The following DENND1A variants were observed in gnomAD, a reference collection of about 807,000 sequenced individuals.
DENND1A encodes DENN domain containing 1A.
Under a neutral mutation model 113.7 loss-of-function variants are expected in DENND1A, and 51 were observed. The observed-to-expected ratio is 0.45, with a 90% CI of 0.36 to 0.57. DENND1A has a LOEUF of 0.57. Among genes scored for constraint, DENND1A ranks in the 20% least tolerant of loss-of-function variants. The probability of loss-of-function intolerance (pLI) is 0.00; values close to 1 mark genes in which losing one functional copy is unlikely to be tolerated. For missense variants in DENND1A, 1,258 were observed against 1,395.9 expected (o/e 0.90, Z 1.57); for synonymous variants, 565 against 570.8 (o/e 0.99, Z 0.14).
At chr9:123,665,728 C>G (rs927869540) in intron 8 of DENND1A, among the ~76,000 whole-genome samples, 3 of 152,152 alleles carry the variant, frequency 2.0e-5, no homozygotes, top group African/African-American at 7.2e-5. Context: ...GAGACTCAAA[C>G]AGGCATTTGT....
intron 2 of DENND1A, among the ~76,000 whole-genome samples, chr9:123,859,628 G>A (rs570108278): frequency 7.2e-4 from 110 of 151,960 alleles, no homozygotes; most frequent in Admixed American, 8.5e-4. Context: ...ATTCTGCATC[G>A]TTGCTGTGAA....
chr9:123,540,132 A>T (rs1231026842), intron 13 of DENND1A, among the ~76,000 whole-genome samples: 1 of 152,208 alleles, frequency 6.6e-6, no homozygotes, highest in Non-Finnish European at 1.5e-5. Context: ...TCCTCATAGG[A>T]CAAAATGTAA....
chr9:123,528,158 C>T (rs140172833), intron 13 of DENND1A, among the ~76,000 whole-genome samples: 117 of 152,312 alleles, frequency 7.7e-4, no homozygotes, highest in African/African-American at 2.5e-3. Context: ...AAGCTAAAGG[C>T]AGGAGTCATG....
intron 10 of DENND1A, among the ~76,000 whole-genome samples, chr9:123,626,713 AG>A (rs1349866816): frequency 3.9e-5 from 6 of 152,152 alleles, no homozygotes; most frequent in African/African-American, 1.4e-4. Flanking sequence ...AAACCAAGAG[AG>A]TTGGCTCAGA....
intron 2 of DENND1A, among the ~76,000 whole-genome samples, chr9:123,850,679 C>T (rs1405889292): frequency 6.6e-6 from 1 of 152,146 alleles, no homozygotes; most frequent in East Asian, 1.9e-4. Flanking sequence ...GCTCGCCATG[C>T]CATGGTTTCC....
At chr9:123,848,534 C>G (rs1372681844) in intron 2 of DENND1A, among the ~76,000 whole-genome samples, 1 of 152,124 alleles carries the variant, frequency 6.6e-6, no homozygotes, top group Non-Finnish European at 1.5e-5. Flanking sequence ...CTTGGGCCTC[C>G]TTATTCCTTG....
chr9:123,388,537 CT>C (rs2042681913), intron 21 of DENND1A, among the ~76,000 whole-genome samples: 1 of 152,186 alleles, frequency 6.6e-6, no homozygotes, highest in Non-Finnish European at 1.5e-5. Context: ...CGAGAAGGCC[CT>C]TTTCTGATTA....
At chr9:123,844,765 A>G (rs1448119872) in intron 2 of DENND1A, among the ~76,000 whole-genome samples, 1 of 152,194 alleles carries the variant, frequency 6.6e-6, no homozygotes, top group East Asian at 1.9e-4. Flanking sequence ...TAGTCAAACA[A>G]TCTTTAAAAA....
chr9:123,804,497 T>C (rs1197058472), intron 2 of DENND1A, among the ~76,000 whole-genome samples: 1 of 152,226 alleles, frequency 6.6e-6, no homozygotes, highest in Non-Finnish European at 1.5e-5. Flanking sequence ...AACTCAGTCC[T>C]TGGACTTGAC....
chr9:123,732,194 T>A (rs1403855678), intron 5 of DENND1A, among the ~76,000 whole-genome samples: 1 of 152,230 alleles, frequency 6.6e-6, no homozygotes. Context: ...TCTTAGGTAT[T>A]CGTCCAAAAG....
At chr9:123,724,504 G>A (rs1306528251) in intron 5 of DENND1A, among the ~76,000 whole-genome samples, 1 of 137,686 alleles carries the variant, frequency 7.3e-6, no homozygotes, top group Non-Finnish European at 1.5e-5. Context: ...AGACAGGACA[G>A]AGAAGCATAA....
intron 2 of DENND1A, among the ~76,000 whole-genome samples, chr9:123,827,155 A>C (rs1839455630): frequency 6.6e-6 from 1 of 152,094 alleles, no homozygotes; most frequent in South Asian, 2.1e-4. Context: ...GCATATAAAA[A>C]ATTAATTATA....
At chr9:123,702,440 T>C (rs1225727413) in intron 5 of DENND1A, among the ~76,000 whole-genome samples, 1 of 151,876 alleles carries the variant, frequency 6.6e-6, no homozygotes, top group Non-Finnish European at 1.5e-5. Context: ...GATACAAATA[T>C]CCAGGTACAG....
At chr9:123,852,663 G>A (rs1843559930) in intron 2 of DENND1A, among the ~76,000 whole-genome samples, 2 of 152,172 alleles carry the variant, frequency 1.3e-5, no homozygotes, top group Non-Finnish European at 2.9e-5. Context: ...ACGGGCCTCA[G>A]TTAAACATTT....
Position 123,920,621 on chromosome 9 carries a change from G to A in DENND1A, c.17+9268C>T, listed in dbSNP as rs113802982. Among the ~76,000 whole-genome samples the A allele has an allele frequency of 2.0e-5, 3 of 152,234 alleles. 1 individual carries two copies. Among genetic ancestry groups the A allele is most frequent in the African/African-American group, 7.2e-5 (3 of 41,538 alleles). ...GTTGCCCAAGCTAGAGTACAGTGGT[G>A]CAATCTCAGCTCACTGCAACCTCCC... On this transcript the variant is annotated intron_variant, in intron 1 of 23. Coordinates refer to ENST00000394215, the MANE Select transcript of DENND1A (RefSeq NM_001352964.2).
chr9:123,602,992 A>T (rs1051367490), intron 11 of DENND1A, among the ~76,000 whole-genome samples: 2 of 152,268 alleles, frequency 1.3e-5, no homozygotes, highest in Admixed American at 6.5e-5. Flanking sequence ...ACAAGTCACC[A>T]TTTATACCTG....
chr9:123,406,043 C>T (rs1470409172), intron 20 of DENND1A, among the ~76,000 whole-genome samples: 1 of 152,176 alleles, frequency 6.6e-6, no homozygotes, highest in African/African-American at 2.4e-5. Context: ...ACTCCACTTC[C>T]TGCCCACCCT....
chr9:123,679,712 A>G (rs534612012), intron 5 of DENND1A, among the ~76,000 whole-genome samples: 1 of 152,196 alleles, frequency 6.6e-6, no homozygotes, highest in Non-Finnish European at 1.5e-5. Flanking sequence ...GCTTCATTAG[A>G]GCCGCCACAA....
At chr9:123,917,605 T>C (rs1306442416) in intron 1 of DENND1A, among the ~76,000 whole-genome samples, 2 of 152,142 alleles carry the variant, frequency 1.3e-5, no homozygotes, top group Admixed American at 6.6e-5. Flanking sequence ...TCCCAAATTC[T>C]GACCCCTGGA....
Sources: allele counts gnomAD v4.1 joint callset (sites outside exome capture counted in the v4.1 genomes callset), GRCh38; gene constraint gnomAD v4.1.1; transcripts MANE v1.5; gene names NCBI Gene and HGNC (gene_info 2026-07-23, HGNC 2026-07-21).